Variants in HADHB observed in about 807,000 individuals in gnomAD.
The protein encoded by HADHB is trifunctional enzyme subunit beta, mitochondrial.
A neutral mutation model predicts 61.9 loss-of-function variants in HADHB; 50 were observed. That is an observed-to-expected ratio of 0.81 (90% CI 0.64 to 1.02). HADHB has a LOEUF of 1.02. HADHB is among the 50% of genes least tolerant of loss of function. HADHB has a pLI of 0.00. For missense variants in HADHB, 504 were observed against 586.5 expected (o/e 0.86, Z 1.45); for synonymous variants, 191 against 201.6 (o/e 0.95, Z 0.45).
chr2:26,269,139 ACCT>A (rs1477407894), intron 4 of HADHB, among the ~76,000 whole-genome samples: 1 of 150,114 alleles, frequency 6.7e-6, no homozygotes, highest in Non-Finnish European at 1.5e-5. Context: ...ACAAGAGCGA[ACCT>A]CCGTCTTAAA....
intron 10 of HADHB, 41 bp downstream of exon 10, chr2:26,280,156 A>T (rs765874324): frequency 2.0e-6 from 3 of 1,512,496 alleles, no homozygotes; most frequent in Non-Finnish European, 2.8e-6. Context: ...TGACTTTTCT[A>T]TTTCTGTACT....
chr2:26,271,790 A>T (rs975415780), intron 5 of HADHB, among the ~76,000 whole-genome samples: 29 of 152,246 alleles, frequency 1.9e-4, no homozygotes, highest in East Asian at 5.8e-4. Flanking sequence ...ACAAAAAAAA[A>T]TTTTAAAAAT....
At chr2:26,258,429 G>A (rs1194855953) in intron 3 of HADHB, among the ~76,000 whole-genome samples, 1 of 152,202 alleles carries the variant, frequency 6.6e-6, no homozygotes, top group Non-Finnish European at 1.5e-5. Flanking sequence ...CGTTGAGCTC[G>A]ATTAGGACGA....
At chr2:26,250,628 GT>G (rs1227110838) in intron 1 of HADHB, among the ~76,000 whole-genome samples, 1 of 150,848 alleles carries the variant, frequency 6.6e-6, no homozygotes, top group Non-Finnish European at 1.5e-5. Context: ...GAGGCTAGGA[GT>G]TTGAGACTAG....
In HADHB at chr2:26,278,492, T is replaced by C. The variant is rs1672648100; in HGVS notation, c.443-122T>C. 4 of 843,734 alleles carry C rather than the reference T, an allele frequency of 4.7e-6. No individual in the cohort carries two copies. In the East Asian group the frequency reaches 7.6e-5, roughly 16 times the overall value. The allele number at this position is 843,734 out of a possible 1,614,324, so 52.3% of individuals were successfully genotyped here. On this transcript the variant is annotated intron_variant, in intron 7 of 15. Coordinates refer to ENST00000317799, the MANE Select transcript of HADHB (RefSeq NM_000183.3). ...AATTCTTCTGAAAAGTTGAAAACTT[T>C]AATTACAGATGTTGTACAAAGCTGA...
chr2:26,262,082 T>C (rs938053738), intron 3 of HADHB, among the ~76,000 whole-genome samples: 6 of 152,174 alleles, frequency 3.9e-5, no homozygotes, highest in African/African-American at 1.4e-4. Context: ...GCCAGCGTCA[T>C]CTTTATGCCC....
At chr2:26,259,862 A>G (rs1419022461) in intron 3 of HADHB, among the ~76,000 whole-genome samples, 1 of 152,150 alleles carries the variant, frequency 6.6e-6, no homozygotes, top group Non-Finnish European at 1.5e-5. Flanking sequence ...CGATGGGCAA[A>G]AAAGGGGCCA....
intron 15 of HADHB, 47 bp from the exon 16 acceptor site, chr2:26,289,871 G>A (rs1265848578): frequency 7.5e-7 from 1 of 1,328,936 alleles, no homozygotes; most frequent in African/African-American, 1.4e-5. Context: ...GTACTAGGTG[G>A]ATTCATCACC....
Position 26,285,580 on chromosome 2 carries a change from C to T in HADHB, c.1389+9C>T. On this transcript the variant is annotated intron_variant, in intron 15 of 15. Coordinates refer to ENST00000317799, the MANE Select transcript of HADHB (RefSeq NM_000183.3). ...GTGCAGCTGGAGGGCAGGTACGTTA[C>T]AGTGGTGTCATAGGACCCTCCAGAG... The T allele has an allele frequency of 6.2e-7, 1 of 1,608,476 alleles. No homozygotes were observed. Among genetic ancestry groups the T allele is most frequent in the Admixed American group, 1.7e-5 (1 of 59,920 alleles).
At chr2:26,283,952 C>G (rs991244978) in intron 12 of HADHB, among the ~76,000 whole-genome samples, 165 bp from the exon 13 acceptor site, 1 of 152,182 alleles carries the variant, frequency 6.6e-6, no homozygotes, top group Non-Finnish European at 1.5e-5. Context: ...CATGTCTGTA[C>G]AGTTTCACTA....
At chr2:26,253,266 T>C (rs1029042811) in intron 1 of HADHB, among the ~76,000 whole-genome samples, 1 of 151,254 alleles carries the variant, frequency 6.6e-6, no homozygotes, top group Non-Finnish European at 1.5e-5. Flanking sequence ...TACTTTTTTA[T>C]TGTTTTGAAA....
intron 1 of HADHB, chr2:26,245,265 TGTGTGTGTGTGTGTGGGTGTGTGTGGGC>T (rs1314073998): frequency 1.4e-3 from 155 of 111,186 alleles, no homozygotes; most frequent in Middle Eastern, 5.8e-3. Context: ...GGTGTGGGGG[TGTGTGTGTGTGTGTGGGTGTGTGTGGGC>T]GTGTGTGGGC....
Position 26,275,634 on chromosome 2 carries a change from C to A in HADHB, c.355-1439C>A, listed in dbSNP as rs183627156. Among the ~76,000 whole-genome samples the A allele has an allele frequency of 2.0e-5, 3 of 152,302 alleles. No homozygotes were observed. The East Asian group carries it at 5.8e-4, about 29-fold the overall frequency. ...CCCTCCTGCCCCCCTGAGATACTTG[C>A]GTCTCTCTTCCTTTCGGATTGGTTT... On this transcript the variant is annotated intron_variant, in intron 6 of 15. Coordinates refer to ENST00000317799, the MANE Select transcript of HADHB (RefSeq NM_000183.3).
rs267606859 is a variant in HADHB at position 26,285,546 on chromosome 2, T to G, written c.1364T>G (p.Val455Gly). 3.1e-6 allele frequency: 5 copies of G among 1,614,006 alleles called. No individual in the cohort carries two copies. In the East Asian group the frequency reaches 1.1e-4, roughly 36 times the overall value. Residue 455 changes from valine to glycine, a missense_variant, in exon 15 of 16, where the codon GTG becomes GGG. By Grantham distance (109) the Val-to-Gly change is moderately radical. Coordinates refer to ENST00000317799, the MANE Select transcript of HADHB (RefSeq NM_000183.3). ...LRKEGGQYGL[V>G]AACAAGGQGH... Reference sequence around the variant, plus strand: ...AAAGAAGGAGGCCAGTATGGCTTAGTGGCTGCGTGTGCAGCTGGAGGGCAG... The same window carrying G: ...AAAGAAGGAGGCCAGTATGGCTTAGGGGCTGCGTGTGCAGCTGGAGGGCAG...
intron 1 of HADHB, among the ~76,000 whole-genome samples, chr2:26,252,550 GTA>G (rs1416188153): frequency 6.6e-6 from 1 of 152,142 alleles, no homozygotes; most frequent in African/African-American, 2.4e-5. Context: ...ACAAGGAAAT[GTA>G]CATAATATTT....
At chr2:26,285,035 A>C in intron 14 of HADHB, 78 bp downstream of exon 14, 1 of 797,280 alleles carries the variant, frequency 1.3e-6, no homozygotes, top group South Asian at 1.4e-5. Flanking sequence ...GTTCTTAAGA[A>C]TATGAAGGGA....
At position 26,244,961 on chromosome 2, in the gene HADHB, G is replaced by C. The variant is rs1671060818; in HGVS notation, c.-38G>C. 2 of 303,914 alleles carry C rather than the reference G, an allele frequency of 6.6e-6. No individual in the cohort carries two copies. Among genetic ancestry groups the C allele is most frequent in the East Asian group, 6.9e-5 (1 of 14,478 alleles). The allele number at this position is 303,914 out of a possible 1,614,324, so 18.8% of individuals were successfully genotyped here. A position where few individuals can be genotyped will look rare whatever the true frequency, so the allele number is the denominator to read the frequency against. On this transcript the variant is annotated 5_prime_UTR_variant, in exon 1 of 16. Transcript: ENST00000317799. Reference sequence around the variant, plus strand: ...GGTACTTGGACCTGAACCTTGCTCCGAGAGGGAGTCCTCGCGGACGTCAGC... The same window carrying C: ...GGTACTTGGACCTGAACCTTGCTCCCAGAGGGAGTCCTCGCGGACGTCAGC...
At chr2:26,275,586 C>A (rs1356752995) in intron 6 of HADHB, among the ~76,000 whole-genome samples, 1 of 152,150 alleles carries the variant, frequency 6.6e-6, no homozygotes, top group East Asian at 1.9e-4. Context: ...GCCCCTTTTA[C>A]ACTTGCCCTT....
rs754238881 is a variant in HADHB, at chr2:26,254,452, C to T, written c.87C>T (p.Ser29=). 3 of 1,603,492 alleles carry T rather than the reference C, an allele frequency of 1.9e-6. No individual in the cohort carries two copies. The highest frequency in any genetic ancestry group is 3.3e-5 in the Admixed American group (2 of 60,002). ...LRFSIRPLSC[S]SQLRAAPAVQ... Reference sequence around the variant, plus strand: ...CAGCCATAAGACCTCTGAGCTGTTCCTCCCAGCTACGAGCTGCCCCAGGTA... The same window carrying T: ...CAGCCATAAGACCTCTGAGCTGTTCTTCCCAGCTACGAGCTGCCCCAGGTA... Residue 29 remains serine, a synonymous_variant, in exon 3 of 16, where the codon TCC becomes TCT. Transcript: ENST00000317799.
Sources: gnomAD v4.1 joint callset for allele counts (sites outside exome capture counted in the v4.1 genomes callset) on GRCh38, gnomAD v4.1.1 for gene constraint, MANE v1.5 for transcripts, NCBI Gene and HGNC (gene_info 2026-07-23, HGNC 2026-07-21) for gene names.